Variants in ITGAV observed in about 807,000 individuals in gnomAD.
ITGAV encodes integrin subunit alpha V.
A neutral mutation model predicts 143.8 loss-of-function variants in ITGAV; 76 were observed. The observed-to-expected ratio is 0.53, with a 90% CI of 0.44 to 0.64. ITGAV has a LOEUF of 0.64. ITGAV is among the 30% of genes least tolerant of loss of function. The pLI, the probability that ITGAV is intolerant of heterozygous loss-of-function variation, is 0.00. For missense variants in ITGAV, 1,193 were observed against 1,274.7 expected (o/e 0.94, Z 0.98); for synonymous variants, 453 against 446.7 (o/e 1.01, Z -0.18).
At chr2:186,627,464 T>C (rs943974412) in intron 4 of ITGAV, among the ~76,000 whole-genome samples, 1 of 152,226 alleles carries the variant, frequency 6.6e-6, no homozygotes, top group Admixed American at 6.5e-5. Flanking sequence ...ATTCCTGATA[T>C]GTAAGAATAC....
intron 2 of ITGAV, among the ~76,000 whole-genome samples, chr2:186,616,289 T>G (rs1019432511): frequency 5.5e-5 from 8 of 144,754 alleles, no homozygotes; most frequent in African/African-American, 2.0e-4. Flanking sequence ...TTTTTTTTTT[T>G]TTTTTTTGAG....
At position 186,636,129 on chromosome 2, in the gene ITGAV, C is replaced by A. The variant is rs760398503; in HGVS notation, c.679C>A (p.Pro227Thr). The A allele has an allele frequency of 4.3e-6, 7 of 1,612,722 alleles. No individual in the cohort carries two copies. The highest frequency in any genetic ancestry group is 1.3e-5 in the African/African-American group (1 of 74,818). The change falls in exon 7 of 30, where the codon CCC becomes ACC. Residue 227 changes from proline (P) to threonine (T), a missense_variant. Physicochemically the swap from Pro to Thr is conservative, Grantham distance 38 (BLOSUM62 -1). Coordinates refer to ENST00000261023, the MANE Select transcript of ITGAV (RefSeq NM_002210.5). ...QVAEIVSKYD[P>T]NVYSIKYNNQ... ...GGCAGAAATCGTATCTAAATACGACCCCAATGTTTACAGCATCAAGTATAA... is the reference window on the plus strand; with the variant it reads ...GGCAGAAATCGTATCTAAATACGACACCAATGTTTACAGCATCAAGTATAA...
intron 4 of ITGAV, among the ~76,000 whole-genome samples, chr2:186,626,403 A>G (rs1298787883): frequency 1.3e-5 from 2 of 152,206 alleles, no homozygotes; most frequent in Non-Finnish European, 2.9e-5. Context: ...TACCAGAAGC[A>G]TAAAAATAGG....
At chr2:186,604,413 G>T (rs188616429) in intron 2 of ITGAV, among the ~76,000 whole-genome samples, 1 of 152,182 alleles carries the variant, frequency 6.6e-6, no homozygotes, top group East Asian at 1.9e-4. Flanking sequence ...TTTTCTACTA[G>T]TGGATACTTT....
chr2:186,676,594 A>T (rs538637748), intron 28 of ITGAV, among the ~76,000 whole-genome samples: 14 of 152,254 alleles, frequency 9.2e-5, no homozygotes, highest in Middle Eastern at 6.8e-3. Context: ...AAAAAAGGAA[A>T]ACAAATCATG....
chr2:186,675,869 A>C lies in ITGAV; in HGVS notation c.2870A>C (p.Asn957Thr). ...TCTCTGAAGTCGTCTGCTTCATTTA[A>C]TGTCATAGAGTTTCCTTATAAGAAT... ...SYSLKSSASFNVIEFPYKNLP... is the reference protein window; with the variant it reads ...SYSLKSSASFTVIEFPYKNLP... Residue 957 changes from asparagine (N) to threonine (T), a missense_variant, in exon 28 of 30, where the codon AAT (asparagine) becomes ACT (threonine). By Grantham distance (65) the Asn-to-Thr change is moderately conservative (BLOSUM62 0). Coordinates refer to ENST00000261023, the MANE Select transcript of ITGAV (RefSeq NM_002210.5). The C allele has an allele frequency of 6.2e-7, 1 of 1,610,496 alleles. No individual in the cohort carries two copies. The highest frequency in any genetic ancestry group is 8.5e-7 in the Non-Finnish European group (1 of 1,177,468).
intron 4 of ITGAV, 56 bp from the exon 5 acceptor site, chr2:186,630,736 ATGTTT>A (rs1056037478): frequency 1.1e-5 from 10 of 889,992 alleles, no homozygotes; most frequent in Admixed American, 9.8e-5. Flanking sequence ...AGATTTTCTC[ATGTTT>A]TGTTTTGTGT....
At chr2:186,647,513 G>A (rs1189390802) in intron 13 of ITGAV, among the ~76,000 whole-genome samples, 1 of 152,072 alleles carries the variant, frequency 6.6e-6, no homozygotes, top group Non-Finnish European at 1.5e-5. Context: ...TGGGAATACA[G>A]GCGTGAGCCA....
Position 186,652,026 on chromosome 2 carries a change from C to T in ITGAV, c.1442C>T (p.Pro481Leu). 6.2e-7 allele frequency: 1 copy of T among 1,613,728 alleles called. No homozygotes were observed. Among genetic ancestry groups the T allele is most frequent in the South Asian group, 1.1e-5 (1 of 91,046 alleles). ...GTAAATGCTGGTCTTGAAGTGTACC[C>T]TAGCATTTTAAATCAAGACAATAAA... ...ITVNAGLEVY[P>L]SILNQDNKTC... Residue 481 changes from proline (P) to leucine (L), a missense_variant, in exon 15 of 30, where the codon CCT becomes CTT. Physicochemically the swap from Pro to Leu is moderately conservative, Grantham distance 98. Transcript: ENST00000261023.
intron 2 of ITGAV, among the ~76,000 whole-genome samples, chr2:186,613,166 A>C (rs1163427137): frequency 7.6e-6 from 1 of 131,306 alleles, no homozygotes; most frequent in African/African-American, 2.8e-5. Context: ...TTTTTTTTTT[A>C]ATCCCCAGTA....
intron 1 of ITGAV, among the ~76,000 whole-genome samples, chr2:186,590,942 G>C (rs1686598923): frequency 6.6e-6 from 1 of 151,598 alleles, no homozygotes; most frequent in Non-Finnish European, 1.5e-5. Flanking sequence ...TGCTTTACAG[G>C]CTTAACGCCC....
At chr2:186,654,072 A>G (rs1322229186) in intron 15 of ITGAV, among the ~76,000 whole-genome samples, 4 of 151,994 alleles carry the variant, frequency 2.6e-5, no homozygotes, top group African/African-American at 7.2e-5. Context: ...ACAGTGGCTC[A>G]CTGTAATCCC....
At chr2:186,654,903 A>C (rs936229553) in intron 16 of ITGAV, among the ~76,000 whole-genome samples, 195 bp downstream of exon 16, 1 of 152,212 alleles carries the variant, frequency 6.6e-6, no homozygotes, top group Non-Finnish European at 1.5e-5. Flanking sequence ...AAAATAATAC[A>C]CTTATTTATG....
chr2:186,650,242 C>T (rs1011411786), intron 14 of ITGAV, among the ~76,000 whole-genome samples: 4 of 152,154 alleles, frequency 2.6e-5, no homozygotes, highest in Admixed American at 2.6e-4. Context: ...TCTTTGGAGA[C>T]AGAGTTTCAG....
chr2:186,625,049 G>A (rs1017208683), intron 3 of ITGAV, among the ~76,000 whole-genome samples: 2 of 152,024 alleles, frequency 1.3e-5, no homozygotes. Context: ...GAAATTTAAG[G>A]TATAGGATAG....
chr2:186,672,193 G>A (rs952259342), intron 26 of ITGAV, among the ~76,000 whole-genome samples: 13 of 151,968 alleles, frequency 8.6e-5, no homozygotes, highest in South Asian at 6.3e-4. Context: ...CTCGTGATCC[G>A]CCCGCCTCGG....
chr2:186,593,348 A>G (rs1238149283), intron 1 of ITGAV, among the ~76,000 whole-genome samples: 2 of 152,222 alleles, frequency 1.3e-5, no homozygotes, highest in African/African-American at 4.8e-5. Flanking sequence ...ACAAAGTACT[A>G]AGCAAAATGT....
At chr2:186,599,665 C>G (rs147313794) in intron 1 of ITGAV, among the ~76,000 whole-genome samples, 182 of 152,280 alleles carry the variant, frequency 1.2e-3, no homozygotes, top group African/African-American at 3.9e-3. Flanking sequence ...CCACCACACC[C>G]AGTGAATTGT....
chr2:186,670,435 G>A (rs1689033657), intron 26 of ITGAV, among the ~76,000 whole-genome samples: 1 of 152,092 alleles, frequency 6.6e-6, no homozygotes, highest in African/African-American at 2.4e-5. Flanking sequence ...CAAGTAGCTA[G>A]GACTATAGGC....
Sources: gnomAD v4.1 joint callset for allele counts (sites outside exome capture counted in the v4.1 genomes callset) on GRCh38, gnomAD v4.1.1 for gene constraint, MANE v1.5 for transcripts, NCBI Gene and HGNC (gene_info 2026-07-23, HGNC 2026-07-21) for gene names.